The following SRC variants were observed in gnomAD, a reference collection of about 807,000 sequenced individuals.
The protein encoded by SRC is SRC proto-oncogene, non-receptor tyrosine kinase.
Under a neutral mutation model 62.9 loss-of-function variants are expected in SRC, and 13 were observed. That is an observed-to-expected ratio of 0.21 (90% CI 0.13 to 0.33). The LOEUF (loss-of-function observed/expected upper bound fraction) is 0.33. SRC is among the 10% of genes least tolerant of loss of function. The probability of loss-of-function intolerance (pLI) is 1.00; values close to 1 mark genes in which losing one functional copy is unlikely to be tolerated. For synonymous variants in SRC, 302 were observed against 317.5 expected (o/e 0.95, Z 0.52); for missense variants, 457 against 737.3 (o/e 0.62, Z 4.40).
At chr20:37,385,173 C>CACACACAAGACACAGGG (rs2070435321) in intron 4 of SRC, among the ~76,000 whole-genome samples, 1 of 152,164 alleles carries the variant, frequency 6.6e-6, no homozygotes, top group South Asian at 2.1e-4. Flanking sequence ...CATTCAGAGA[C>CACACACAAGACACAGGG]ACACGCTCAG....
At position 37,368,518 on chromosome 20, in the gene SRC, C is replaced by CTT. The variant is rs1352624429; in HGVS notation, c.-173+3265_-173+3266dup. ...GTCATAACATTTATGCCTATATTTT[C>CTT]TTTTTTTTTTTTTTTTTTTTTTTTT... is the stretch of plus-strand genomic sequence containing the variant. On this transcript the variant is annotated intron_variant, in intron 2 of 13. Transcript: ENST00000373578. Among the ~76,000 whole-genome samples, 33 of 73,924 alleles carry CTT rather than the reference C, an allele frequency of 4.5e-4. 1 individual carries two copies. Among genetic ancestry groups the CTT allele is most frequent in the South Asian group, 1.2e-3 (2 of 1,710 alleles). 48.5% of individuals were successfully genotyped at this position (73,924 alleles called of 152,430 possible).
intron 1 of SRC, among the ~76,000 whole-genome samples, chr20:37,363,795 G>A (rs901466518): frequency 6.6e-6 from 1 of 152,208 alleles, no homozygotes; most frequent in Non-Finnish European, 1.5e-5. Flanking sequence ...CCCGGTTAGG[G>A]AGACATGCAG....
chr20:37,374,106 G>A (rs2070240305), intron 2 of SRC, among the ~76,000 whole-genome samples: 1 of 145,906 alleles, frequency 6.9e-6, no homozygotes, highest in South Asian at 2.1e-4. Flanking sequence ...TTTAGATAGA[G>A]TCTTGCTCTG....
In SRC at chr20:37,374,571, C is replaced by CT. The variant is rs71187927; in HGVS notation, c.-172-8027dup. Among the ~76,000 whole-genome samples the CT allele has an allele frequency of 9.2e-4, 82 of 88,846 alleles. 2 individuals carry two copies. Among genetic ancestry groups the CT allele is most frequent in the African/African-American group, 1.1e-3 (30 of 26,544 alleles). The allele number at this position is 88,846 out of a possible 152,430, so 58.3% of individuals were successfully genotyped here. A position where few individuals can be genotyped will look rare whatever the true frequency, so the allele number is the denominator to read the frequency against. On this transcript the variant is annotated intron_variant, in intron 2 of 13. Transcript: ENST00000373578. The stretch of plus-strand genomic sequence containing the variant: ...CTATACCAAATACTATAATAATACT[C>CT]TTTTTTTTTTTTTTTTTTTTTGAGA...
intron 5 of SRC, 32 bp from the exon 6 acceptor site, chr20:37,393,863 C>A: frequency 6.4e-7 from 1 of 1,559,230 alleles, no homozygotes; most frequent in Non-Finnish European, 8.8e-7. Flanking sequence ...CGGCTCCCTT[C>A]TCCTTTCCTC....
intron 2 of SRC, among the ~76,000 whole-genome samples, chr20:37,372,123 G>A (rs1163582044): frequency 1.3e-5 from 2 of 152,166 alleles, no homozygotes; most frequent in East Asian, 1.9e-4. Context: ...TCAGCCTCCC[G>A]AGTAGCTGGG....
rs2070668159 is a variant in SRC, at chr20:37,397,310, C to T, written c.704-389C>T. 6.6e-6 allele frequency among the ~76,000 whole-genome samples: 1 copy of T among 152,206 alleles called. No homozygotes were observed. The highest frequency in any genetic ancestry group is 1.5e-5 in the Non-Finnish European group (1 of 68,038). ...TTGCTGCTTCCTCCAGGAAGCCTTC[C>T]AGGCCACTCCTGCTGTTGCGCGAAC... On this transcript the variant is annotated intron_variant, in intron 8 of 13. Coordinates refer to ENST00000373578, the MANE Select transcript of SRC (RefSeq NM_198291.3). This position sits in a 1 kb window ranked among gnomAD's most constrained non-coding sequence, Gnocchi z 4.1.
Position 37,396,461 on chromosome 20 carries a change from T to A in SRC, c.703+150T>A. 1.2e-6 allele frequency: 1 copy of A among 866,608 alleles called. No individual in the cohort carries two copies. The highest frequency in any genetic ancestry group is 1.7e-6 in the Non-Finnish European group (1 of 582,312). 53.7% of individuals were successfully genotyped at this position (866,608 alleles called of 1,614,324 possible). A position where few individuals can be genotyped will look rare whatever the true frequency, so the allele number is the denominator to read the frequency against. ...CCCCCCTCCCTTCCTCTCTCCTCCC[T>A]TTTCCCTCCTTTCCTTGTCTCCTTC... On this transcript the variant is annotated intron_variant, in intron 8 of 13. Transcript: ENST00000373578. This position sits in a 1 kb window ranked among gnomAD's most constrained non-coding sequence, Gnocchi z 6.1.
At chr20:37,359,050 C>T (rs1196577748) in intron 1 of SRC, among the ~76,000 whole-genome samples, 5 of 152,264 alleles carry the variant, frequency 3.3e-5, no homozygotes, top group African/African-American at 1.2e-4. Context: ...GGGATCAGGG[C>T]CTGGAGTTGT....
At chr20:37,367,774 G>A (rs938106639) in intron 2 of SRC, among the ~76,000 whole-genome samples, 18 of 151,758 alleles carry the variant, frequency 1.2e-4, no homozygotes, top group Non-Finnish European at 5.9e-5. Context: ...AGCCTCCTGA[G>A]TAGCTAGGAC....
intron 2 of SRC, among the ~76,000 whole-genome samples, chr20:37,375,195 T>C (rs1392974940): frequency 6.6e-6 from 1 of 151,594 alleles, no homozygotes; most frequent in Non-Finnish European, 1.5e-5. Flanking sequence ...CCTCCCAAAG[T>C]GCTGGGATTA....
intron 2 of SRC, among the ~76,000 whole-genome samples, chr20:37,371,942 C>T (rs191888058): frequency 2.4e-4 from 37 of 152,110 alleles, no homozygotes; most frequent in Admixed American, 1.9e-3. Context: ...ACCTCCAATC[C>T]GCCCCCCCTT....
intron 2 of SRC, among the ~76,000 whole-genome samples, chr20:37,370,117 T>C (rs924402785): frequency 3.3e-5 from 5 of 152,364 alleles, no homozygotes; most frequent in African/African-American, 1.2e-4. Flanking sequence ...GAGGTTTTCA[T>C]TGCTGCTTTT....
intron 2 of SRC, among the ~76,000 whole-genome samples, chr20:37,366,297 A>G (rs1461572002): frequency 2.6e-5 from 4 of 152,138 alleles, no homozygotes; most frequent in Admixed American, 2.6e-4. Context: ...CATAAGTGCA[A>G]TTTGCCAATC....
intron 1 of SRC, among the ~76,000 whole-genome samples, chr20:37,361,271 G>GTGTC (rs1480400485): frequency 6.6e-6 from 1 of 152,194 alleles, no homozygotes; most frequent in African/African-American, 2.4e-5. Context: ...CCAGGCTGGA[G>GTGTC]TGTCGATCGT....
At chr20:37,388,558 A>G (rs2070491646) in intron 5 of SRC, among the ~76,000 whole-genome samples, 1 of 152,040 alleles carries the variant, frequency 6.6e-6, no homozygotes, top group Non-Finnish European at 1.5e-5. Flanking sequence ...CCAGCCTGGG[A>G]AACATAGGGA....
rs1239105667 is a variant in SRC, at chr20:37,356,246, G to A, written c.-246-8958G>A. On this transcript the variant is annotated intron_variant, in intron 1 of 13. Coordinates refer to ENST00000373578, the MANE Select transcript of SRC (RefSeq NM_198291.3). The stretch of plus-strand genomic sequence containing the variant: ...CAAAGGGCCTGAAGGTGCCCTGTGA[G>A]CAGCTCCTCTTGGAGGTCTGAGGAG... Among the ~76,000 whole-genome samples, 5 of 152,160 alleles carry A rather than the reference G, an allele frequency of 3.3e-5. No individual in the cohort carries two copies. In the South Asian group the frequency reaches 1.0e-3, roughly 32 times the overall value.
At chr20:37,375,089 C>G (rs2070256008) in intron 2 of SRC, among the ~76,000 whole-genome samples, 2 of 151,788 alleles carry the variant, frequency 1.3e-5, no homozygotes, top group Non-Finnish European at 2.9e-5. Context: ...TGCCACCATG[C>G]CTGACTAATT....
intron 9 of SRC, 23 bp from the exon 10 acceptor site, chr20:37,400,090 GTC>G: frequency 1.3e-6 from 2 of 1,569,304 alleles, no homozygotes; most frequent in Non-Finnish European, 1.7e-6. Context: ...GCTCCACTGA[GTC>G]AGCCTGCATC....
Sources: gnomAD v4.1 joint callset for allele counts (sites outside exome capture counted in the v4.1 genomes callset) on GRCh38, gnomAD v4.1.1 for gene constraint, Gnocchi (gnomAD v3.1) non-coding constraint, MANE v1.5 for transcripts, NCBI Gene and HGNC (gene_info 2026-07-23, HGNC 2026-07-21) for gene names.